TRARG1: variants seen among roughly 807,000 people sequenced by gnomAD.
TRARG1 encodes the protein trafficking regulator of GLUT4 1.
A neutral mutation model predicts 13.3 loss-of-function variants in TRARG1; 16 were observed. The ratio of observed to expected loss-of-function variants is 1.20; its 90% CI spans 0.81 to 1.83. The LOEUF is 1.83. Among genes scored for constraint, TRARG1 ranks in the 40% most tolerant of loss-of-function variants. The pLI is 0.00. For missense variants in TRARG1, 250 were observed against 237.4 expected, an observed-to-expected ratio of 1.05 and a Z score of -0.35; for synonymous variants, 113 against 106.2, an observed-to-expected ratio of 1.06 and a Z score of -0.39.
At chr17:1,283,493 T>C (rs977917542) in intron 1 of TRARG1, among the ~76,000 whole-genome samples, 7 of 152,142 alleles carry the variant, frequency 4.6e-5, no homozygotes, top group Non-Finnish European at 8.8e-5. Context: ...TTTGGAACAT[T>C]TGCCTCATCT....
chr17:1,290,765 C>T (rs984178015), intron 1 of TRARG1, among the ~76,000 whole-genome samples: 8 of 152,132 alleles, frequency 5.3e-5, no homozygotes, highest in Admixed American at 3.9e-4. Context: ...TGTCCCCACC[C>T]AAATCTCACC....
At chr17:1,286,733 T>G (rs1345907023) in intron 1 of TRARG1, among the ~76,000 whole-genome samples, 5 of 120,378 alleles carry the variant, frequency 4.2e-5, no homozygotes, top group Admixed American at 8.7e-5. Context: ...GGCCTGCGGG[T>G]GTTGTTTTCG....
intron 1 of TRARG1, among the ~76,000 whole-genome samples, chr17:1,281,089 C>A (rs1041445439): frequency 7.2e-5 from 11 of 152,126 alleles, no homozygotes; most frequent in Non-Finnish European, 7.4e-5. Flanking sequence ...GCCTGCCATG[C>A]CCAGGAAGGG....
intron 1 of TRARG1, among the ~76,000 whole-genome samples, chr17:1,284,171 C>T (rs2072004581): frequency 6.6e-6 from 1 of 152,090 alleles, no homozygotes; most frequent in Non-Finnish European, 1.5e-5. Context: ...CTGTCCCCTT[C>T]AGCTGTCACT....
intron 1 of TRARG1, among the ~76,000 whole-genome samples, chr17:1,282,223 T>TAC (rs2071983882): frequency 1.1e-5 from 1 of 93,214 alleles, no homozygotes; most frequent in Non-Finnish European, 2.1e-5. Context: ...CGTATACACG[T>TAC]GCGTATATGT....
At chr17:1,286,586 ATCGGCCTG>A (rs2072025573) in intron 1 of TRARG1, among the ~76,000 whole-genome samples, 1 of 95,140 alleles carries the variant, frequency 1.1e-5, no homozygotes, top group Non-Finnish European at 2.0e-5. Flanking sequence ...GTGGGGTGTT[ATCGGCCTG>A]TGGGGTGTTA....
intron 1 of TRARG1, among the ~76,000 whole-genome samples, chr17:1,282,243 C>CGTATATGTGCGTATATGT (rs1567928237): frequency 1.5e-4 from 14 of 93,270 alleles, no homozygotes; most frequent in Non-Finnish European, 2.3e-4. Context: ...TACGTATATG[C>CGTATATGTGCGTATATGT]ACGTATATGT....
At position 1,279,863 on chromosome 17, in the gene TRARG1, GC is replaced by G; in HGVS notation, c.-137del. 3.0e-6 allele frequency: 3 copies of G among 995,898 alleles called. No homozygotes were observed. The highest frequency in any genetic ancestry group is 4.3e-6 in the Non-Finnish European group (3 of 701,850). 61.7% of individuals were successfully genotyped at this position (995,898 alleles called of 1,614,324 possible). A position where few individuals can be genotyped will look rare whatever the true frequency, so the allele number is the denominator to read the frequency against. On this transcript the variant is annotated 5_prime_UTR_variant, in exon 1 of 3. Transcript: ENST00000333813. ...CTCAGCCCAACCCTTCCAGCACCCA[GC>G]CGGCCCTCCGTCTCCTGAGGGACGC... is the stretch of plus-strand genomic sequence containing the variant.
intron 1 of TRARG1, among the ~76,000 whole-genome samples, chr17:1,288,616 G>A (rs1320973520): frequency 2.8e-5 from 1 of 35,588 alleles, no homozygotes; most frequent in Non-Finnish European, 4.7e-5. Context: ...CATCCCCCAC[G>A]GGTTCCCCAT....
At chr17:1,282,273 C>T (rs62090200) in intron 1 of TRARG1, among the ~76,000 whole-genome samples, 5,533 of 86,854 alleles carry the variant, frequency 0.064, 342 homozygotes, top group Non-Finnish European at 0.079. Flanking sequence ...TACATATATG[C>T]ACGTATATGT....
At chr17:1,289,869 C>T (rs28626740) in intron 1 of TRARG1, among the ~76,000 whole-genome samples, 44,571 of 151,960 alleles carry the variant, frequency 0.29, 7,512 homozygotes, top group African/African-American at 0.45. Flanking sequence ...TTCCTGAGTC[C>T]CAGCTGGAGG....
At chr17:1,282,262 G>GCACGTATA (rs2071985913) in intron 1 of TRARG1, among the ~76,000 whole-genome samples, 1 of 133,626 alleles carries the variant, frequency 7.5e-6, no homozygotes, top group African/African-American at 3.2e-5. Flanking sequence ...GTACGTATAT[G>GCACGTATA]TACATATATG....
chr17:1,286,111 T>A (rs1195548668), intron 1 of TRARG1, among the ~76,000 whole-genome samples: 3 of 152,212 alleles, frequency 2.0e-5, no homozygotes, highest in Non-Finnish European at 4.4e-5. Flanking sequence ...AAAGACACCC[T>A]GTCCCTGGCA....
chr17:1,282,224 G>GTA (rs1567928185), intron 1 of TRARG1, among the ~76,000 whole-genome samples: 3,016 of 115,394 alleles, frequency 0.026, 257 homozygotes, highest in African/African-American at 0.061. Context: ...GTATACACGT[G>GTA]CGTATATGTA....
chr17:1,292,154 G>A (rs1200761849), intron 1 of TRARG1, among the ~76,000 whole-genome samples: 1 of 151,776 alleles, frequency 6.6e-6, no homozygotes, highest in Non-Finnish European at 1.5e-5. Context: ...GGCAACAAGA[G>A]CAAAACTCCA....
At chr17:1,282,232 G>T (rs1270857082) in intron 1 of TRARG1, among the ~76,000 whole-genome samples, 1 of 138,792 alleles carries the variant, frequency 7.2e-6, no homozygotes, top group African/African-American at 2.9e-5. Context: ...GTGCGTATAT[G>T]TACGTATATG....
intron 1 of TRARG1, among the ~76,000 whole-genome samples, chr17:1,285,613 G>A (rs1219068576): frequency 6.6e-6 from 1 of 151,994 alleles, no homozygotes; most frequent in Non-Finnish European, 1.5e-5. Flanking sequence ...GCTGAGGCAG[G>A]AGAATCGCTT....
At chr17:1,289,790 A>G (rs372649291) in intron 1 of TRARG1, among the ~76,000 whole-genome samples, 5 of 152,024 alleles carry the variant, frequency 3.3e-5, no homozygotes, top group South Asian at 2.1e-4. Flanking sequence ...GGTTTATCCA[A>G]GTCCAGCTAC....
intron 1 of TRARG1, among the ~76,000 whole-genome samples, chr17:1,283,730 A>G (rs558979906): frequency 6.6e-5 from 10 of 151,636 alleles, no homozygotes; most frequent in Middle Eastern, 6.8e-3. Flanking sequence ...AATCACTTGA[A>G]CCCTGGAGGC....
Sources: gnomAD v4.1 joint callset for allele counts (sites outside exome capture counted in the v4.1 genomes callset) on GRCh38, gnomAD v4.1.1 for gene constraint, MANE v1.5 for transcripts, NCBI Gene and HGNC (gene_info 2026-07-23, HGNC 2026-07-21) for gene names.